Variants in SEPTIN10 observed in about 807,000 individuals in gnomAD.
SEPTIN10 encodes the protein septin 10.
Under a neutral mutation model 54.8 loss-of-function variants are expected in SEPTIN10, and 66 were observed. The ratio of observed to expected loss-of-function variants is 1.21; its 90% confidence interval spans 0.99 to 1.48. The LOEUF is 1.48. SEPTIN10 is among the 40% of genes most tolerant of loss of function. The pLI, the probability that SEPTIN10 is intolerant of heterozygous loss-of-function variation, is 0.00. For synonymous variants in SEPTIN10, 161 were observed against 181.0 expected, an observed-to-expected ratio of 0.89 and a Z score of 0.89; for missense variants, 620 against 545.6, an observed-to-expected ratio of 1.14 and a Z score of -1.36.
intron 5 of SEPTIN10, among the ~76,000 whole-genome samples, chr2:109,572,332 A>C (rs1374202383): frequency 1.3e-5 from 2 of 152,024 alleles, no homozygotes; most frequent in Non-Finnish European, 2.9e-5. Flanking sequence ...ACGGGGTTTC[A>C]CCGTGTTAGC....
rs1687411623 is a variant in SEPTIN10 at position 109,567,876 on chromosome 2, A to G, written c.701T>C (p.Val234Ala). The G allele has an allele frequency of 6.2e-7, 1 of 1,613,956 alleles. No individual in the cohort carries two copies. The highest frequency in any genetic ancestry group is 8.5e-7 in the Non-Finnish European group (1 of 1,179,940). Residue 234 changes from valine (V) to alanine (A), a missense_variant, in exon 6 of 11, where the codon GTC (valine) becomes GCC (alanine). Coordinates refer to ENST00000397712, the MANE Select transcript of SEPTIN10 (RefSeq NM_144710.5). ...ATCCGTTGGGAACTGGTATATCTGG[A>G]CGCCATTGCTGACCAATTCACTCAT... ...KLMSELVSNG[V>A]QIYQFPTDDD...
chr2:109,604,724 G>A (rs977067347), intron 1 of SEPTIN10: 1 of 152,314 alleles, frequency 6.6e-6, no homozygotes, highest in Admixed American at 6.6e-5. Flanking sequence ...TCTGGGGAGG[G>A]GAGGGGAGGG....
At chr2:109,576,000 TAA>T (rs1573602376) in intron 4 of SEPTIN10, among the ~76,000 whole-genome samples, 2 of 152,138 alleles carry the variant, frequency 1.3e-5, no homozygotes, top group East Asian at 3.9e-4. Context: ...CTCACATCTG[TAA>T]TCCTAGTTGT....
intron 10 of SEPTIN10, chr2:109,544,885 T>C (rs1189680487): frequency 1.1e-6 from 1 of 899,728 alleles, no homozygotes; most frequent in South Asian, 5.1e-5. Flanking sequence ...CTTGGAGAGC[T>C]TGCATTGAAA....
intron 8 of SEPTIN10, among the ~76,000 whole-genome samples, chr2:109,554,436 T>C (rs1257770779): frequency 6.6e-6 from 1 of 152,186 alleles, no homozygotes; most frequent in Non-Finnish European, 1.5e-5. Flanking sequence ...TTCAGGGTCA[T>C]GGGTGGCTGG....
intron 2 of SEPTIN10, among the ~76,000 whole-genome samples, chr2:109,588,850 T>TAAAAAAAAA (rs59135205): frequency 9.0e-6 from 1 of 111,444 alleles, no homozygotes; most frequent in Non-Finnish European, 1.8e-5. Flanking sequence ...CAATTACTAT[T>TAAAAAAAAA]AAAAAAAAAA....
chr2:109,566,922 C>A (rs1252321954), intron 6 of SEPTIN10, among the ~76,000 whole-genome samples: 1 of 152,022 alleles, frequency 6.6e-6, no homozygotes, highest in Non-Finnish European at 1.5e-5. Context: ...TTAATGGTGG[C>A]TTTCTGAATA....
rs141584566 is a variant in SEPTIN10, at chr2:109,572,284, C to A, written c.600+2297G>T. Among the ~76,000 whole-genome samples the A allele has an allele frequency of 3.8e-3, 583 of 152,198 alleles. 6 individuals are homozygous for A. Among genetic ancestry groups the A allele is most frequent in the African/African-American group, 0.013 (559 of 41,514 alleles). ...TAGCCGGGACTACTGGCGCATGCCA[C>A]GACGCCCGGCTGAATTTTTTTTGTA... is the stretch of plus-strand genomic sequence containing the variant. On this transcript the variant is annotated intron_variant, in intron 5 of 10. Coordinates refer to ENST00000397712, the MANE Select transcript of SEPTIN10 (RefSeq NM_144710.5).
intron 10 of SEPTIN10, 67 bp from the exon 11 acceptor site, chr2:109,544,391 T>C (rs1680643228): frequency 1.9e-6 from 3 of 1,539,772 alleles, no homozygotes; most frequent in South Asian, 1.3e-5. Context: ...TTAGCAAACA[T>C]GCATCTAGTA....
In SEPTIN10 at chr2:109,567,871, T is replaced by G. The variant is rs773401547; in HGVS notation, c.706A>C (p.Ile236Leu). The change falls in exon 6 of 11, where the codon ATA (isoleucine) becomes CTA (leucine). Residue 236 changes from isoleucine (I) to leucine (L), a missense_variant. Transcript: ENST00000397712. The part of the protein sequence containing the change: ...MSELVSNGVQ[I>L]YQFPTDDDTI... ...TCATCATCCGTTGGGAACTGGTATA[T>G]CTGGACGCCATTGCTGACCAATTCA... 1 of 1,613,988 alleles carries G rather than the reference T, an allele frequency of 6.2e-7. No homozygotes were observed. Among genetic ancestry groups the G allele is most frequent in the Non-Finnish European group, 8.5e-7 (1 of 1,179,970 alleles).
intron 4 of SEPTIN10, among the ~76,000 whole-genome samples, chr2:109,581,323 G>C (rs1573645761): frequency 1.3e-5 from 2 of 152,116 alleles, no homozygotes; most frequent in Admixed American, 1.3e-4. Flanking sequence ...TGTAATCCCA[G>C]CTGTTTGGGA....
rs1003678335 is a variant in SEPTIN10 at position 109,552,930 on chromosome 2, T to C, written c.1161+157A>G. ...GTTTTCATTTAATTTCAGGCTATGA[T>C]TCTAAGTCAATATTCAAATACTATG... On this transcript the variant is annotated intron_variant, in intron 9 of 10. Transcript: ENST00000397712. 5 of 830,742 alleles carry C rather than the reference T, an allele frequency of 6.0e-6. No homozygotes were observed. In the African/African-American group the frequency reaches 8.6e-5, roughly 14 times the overall value. The allele number at this position is 830,742 out of a possible 1,614,324, so 51.5% of individuals were successfully genotyped here. A position where few individuals can be genotyped will look rare whatever the true frequency, so the allele number is the denominator to read the frequency against.
At chr2:109,603,406 T>C (rs1266414359) in intron 1 of SEPTIN10, among the ~76,000 whole-genome samples, 3 of 151,970 alleles carry the variant, frequency 2.0e-5, no homozygotes, top group Non-Finnish European at 4.4e-5. Context: ...GGCTAATTTT[T>C]TTCTGTGTAT....
chr2:109,599,423 A>G (rs1193135155), intron 1 of SEPTIN10, among the ~76,000 whole-genome samples: 1 of 147,434 alleles, frequency 6.8e-6, no homozygotes, highest in Non-Finnish European at 1.5e-5. Flanking sequence ...GTGCCACTGC[A>G]CTCCAGCCTG....
intron 4 of SEPTIN10, among the ~76,000 whole-genome samples, chr2:109,581,177 C>T (rs568211795): frequency 5.3e-5 from 8 of 152,274 alleles, no homozygotes; most frequent in South Asian, 2.1e-4. Flanking sequence ...AGGTGGCTCA[C>T]GCCTGTAATC....
intron 8 of SEPTIN10, among the ~76,000 whole-genome samples, chr2:109,562,547 G>C (rs1216952030): frequency 1.3e-5 from 2 of 152,142 alleles, no homozygotes; most frequent in African/African-American, 4.8e-5. Flanking sequence ...TCTGACTGCA[G>C]ATTTCTAGGC....
intron 8 of SEPTIN10, among the ~76,000 whole-genome samples, chr2:109,562,958 T>A (rs1686054759): frequency 6.6e-6 from 1 of 152,054 alleles, no homozygotes; most frequent in African/African-American, 2.4e-5. Flanking sequence ...TTGCCCAGGT[T>A]GGAGTGCAGT....
intron 1 of SEPTIN10, among the ~76,000 whole-genome samples, chr2:109,597,142 T>C (rs989425806): frequency 2.0e-5 from 3 of 152,148 alleles, no homozygotes; most frequent in African/African-American, 7.2e-5. Flanking sequence ...GATCTCACTC[T>C]GTTGCCCAGG....
chr2:109,585,295 G>C lies in SEPTIN10; in HGVS notation c.244C>G (p.Leu82Val), dbSNP rs779823796. The change falls in exon 4 of 11, where the codon CTG becomes GTG. Residue 82 changes from leucine to valine, a missense_variant. By Grantham distance (32) the Leu-to-Val change is conservative. Coordinates refer to ENST00000397712, the MANE Select transcript of SEPTIN10 (RefSeq NM_144710.5). ...VGETGIGKST[L>V]IDTLFNTNFE... ...TTAGTATTAAACAATGTGTCAATCA[G>C]TGTTGATTTTCCAATTCCAGTTTCC... The C allele has an allele frequency of 2.9e-5, 47 of 1,604,494 alleles. No homozygotes were observed. Among genetic ancestry groups the C allele is most frequent in the Non-Finnish European group, 3.8e-5 (45 of 1,176,664 alleles).
Sources: gnomAD v4.1 joint callset for allele counts (sites outside exome capture counted in the v4.1 genomes callset) on GRCh38, gnomAD v4.1.1 for gene constraint, MANE v1.5 for transcripts, NCBI Gene and HGNC (gene_info 2026-07-23, HGNC 2026-07-21) for gene names.